The following SLC24A2 variants were observed in gnomAD, a reference collection of about 807,000 sequenced individuals.
SLC24A2 encodes the protein sodium/potassium/calcium exchanger 2.
SLC24A2 carries 36 observed loss-of-function variants against 62.0 expected under a neutral mutation model. That is an observed-to-expected ratio of 0.58 (90% CI 0.44 to 0.77). The LOEUF (loss-of-function observed/expected upper bound fraction) is 0.77. Among genes scored for constraint, SLC24A2 ranks in the 30% least tolerant of loss-of-function variants. The pLI, the probability that SLC24A2 is intolerant of heterozygous loss-of-function variation, is 0.00. For synonymous variants in SLC24A2, 358 were observed against 294.0 expected (o/e 1.22, Z -2.23); for missense variants, 846 against 817.9 (o/e 1.03, Z -0.42).
the SLC24A2 span, among the ~76,000 whole-genome samples, chr9:20,205,558 G>T: frequency 6.7e-6 from 1 of 149,332 alleles, no homozygotes; most frequent in African/African-American, 2.5e-5. Context: ...GGCTGAGGCA[G>T]GAGATTGGTG....
the SLC24A2 span, among the ~76,000 whole-genome samples, chr9:20,028,849 C>G: frequency 6.6e-6 from 1 of 152,194 alleles, no homozygotes; most frequent in Non-Finnish European, 1.5e-5. Context: ...AACACTCATT[C>G]TCTTTAAACA....
At chr9:20,110,285 A>G in the SLC24A2 span, among the ~76,000 whole-genome samples, 2 of 152,182 alleles carry the variant, frequency 1.3e-5, no homozygotes, top group African/African-American at 4.8e-5. Flanking sequence ...GACATGTAGT[A>G]TATTTTATAG....
At position 19,521,047 on chromosome 9, in the gene SLC24A2, A is replaced by G. The variant is rs781108956; in HGVS notation, c.1583T>C (p.Ile528Thr). The G allele has an allele frequency of 4.3e-6, 7 of 1,614,100 alleles. No homozygotes were observed. The highest frequency in any genetic ancestry group is 5.9e-6 in the Non-Finnish European group (7 of 1,179,966). Residue 528 changes from isoleucine to threonine, a missense_variant, in exon 10 of 11, where the codon ATT becomes ACT. Coordinates refer to ENST00000341998, the MANE Select transcript of SLC24A2 (RefSeq NM_020344.4). ...GCCCATAATCTCTTCACTGATGCCA[A>G]TTGTCTCTCCAACCTAAATGTCAGG... ...VWWAHQVGET[I>T]GISEEIMGLT...
the SLC24A2 span, among the ~76,000 whole-genome samples, chr9:20,140,030 G>A: frequency 1.3e-5 from 2 of 152,234 alleles, no homozygotes; most frequent in South Asian, 4.2e-4. Flanking sequence ...AGTGGTAAAT[G>A]GTAGCTACAT....
the SLC24A2 span, among the ~76,000 whole-genome samples, chr9:20,191,950 C>G: frequency 1.3e-5 from 2 of 152,060 alleles, no homozygotes; most frequent in African/African-American, 2.4e-5. Context: ...AGATAAGATG[C>G]TATGCACAGA....
chr9:20,093,846 T>C, the SLC24A2 span, among the ~76,000 whole-genome samples: 1 of 152,150 alleles, frequency 6.6e-6, no homozygotes, highest in East Asian at 1.9e-4. Context: ...AAAAGATAAA[T>C]GCTTGAGGTG....
chr9:19,756,903 C>CTTTTTTTTTTTTTTTTTTT, intron 2 of SLC24A2, among the ~76,000 whole-genome samples: 1 of 78,522 alleles, frequency 1.3e-5, no homozygotes, highest in Non-Finnish European at 2.2e-5. Context: ...TTTACTGAAG[C>CTTTTTTTTTTTTTTTTTTT]TTTTTTTTTT....
At position 19,786,984 on chromosome 9, in the gene SLC24A2, A is replaced by T; in HGVS notation, c.-118T>A. On this transcript the variant is annotated 5_prime_UTR_variant, in exon 2 of 11. Transcript: ENST00000341998. The surrounding 1 kb of genome is among the most constrained non-coding windows in gnomAD (Gnocchi z 5.0). ...TTGTGGGGTACTTTCACAATCAGGGATTGTTATGCTTCACAGGAAACTTTC... is the reference window on the plus strand; with the variant it reads ...TTGTGGGGTACTTTCACAATCAGGGTTTGTTATGCTTCACAGGAAACTTTC... 1 of 1,469,830 alleles carries T rather than the reference A, an allele frequency of 6.8e-7. No individual in the cohort carries two copies. Among genetic ancestry groups the T allele is most frequent in the Non-Finnish European group, 9.0e-7 (1 of 1,115,210 alleles). 91.0% of individuals were successfully genotyped at this position (1,469,830 alleles called of 1,614,324 possible). A position where few individuals can be genotyped will look rare whatever the true frequency, so the allele number is the denominator to read the frequency against.
At chr9:19,644,033 C>G (rs932621116) in intron 2 of SLC24A2, among the ~76,000 whole-genome samples, 31 of 152,216 alleles carry the variant, frequency 2.0e-4, no homozygotes, top group Non-Finnish European at 7.3e-5. Flanking sequence ...TAAACTGCAT[C>G]TGACACATTT....
chr9:19,667,201 G>C (rs1367613579), intron 2 of SLC24A2, among the ~76,000 whole-genome samples: 1 of 152,186 alleles, frequency 6.6e-6, no homozygotes, highest in East Asian at 1.9e-4. Context: ...AATCATGACA[G>C]AGAGCTTGCC....
the SLC24A2 span, among the ~76,000 whole-genome samples, chr9:19,857,887 A>G: frequency 6.6e-6 from 1 of 152,078 alleles, no homozygotes; most frequent in East Asian, 1.9e-4. Flanking sequence ...TCATTTCACT[A>G]GCTAGAACCT....
At chr9:19,557,411 G>C (rs563643648) in intron 7 of SLC24A2, among the ~76,000 whole-genome samples, 1 of 152,174 alleles carries the variant, frequency 6.6e-6, no homozygotes, top group Non-Finnish European at 1.5e-5. Context: ...AGCCGAAGGC[G>C]GTGGTTCTTA....
intron 2 of SLC24A2, among the ~76,000 whole-genome samples, chr9:19,775,277 G>T (rs1232135649): frequency 2.0e-5 from 3 of 152,208 alleles, no homozygotes; most frequent in East Asian, 1.9e-4. Flanking sequence ...TCTAGATTCT[G>T]CTTTTCTCTG....
intron 2 of SLC24A2, among the ~76,000 whole-genome samples, chr9:19,762,397 G>C (rs1159638236): frequency 6.6e-6 from 1 of 152,162 alleles, no homozygotes; most frequent in Admixed American, 6.5e-5. Flanking sequence ...CCTATGTCCT[G>C]AATGGTATTG....
chr9:19,622,000 C>A (rs1182890404), intron 3 of SLC24A2, among the ~76,000 whole-genome samples: 1 of 152,198 alleles, frequency 6.6e-6, no homozygotes, highest in Non-Finnish European at 1.5e-5. Flanking sequence ...ACTCTTCCAA[C>A]TTCTACAAAA....
chr9:19,544,255 C>CTTTTTTTTTTTTTTTTT (rs375479154), intron 8 of SLC24A2, among the ~76,000 whole-genome samples: 1 of 124,028 alleles, frequency 8.1e-6, no homozygotes, highest in African/African-American at 3.1e-5. Flanking sequence ...GCAACCCCTG[C>CTTTTTTTTTTTTTTTTT]TTTTTTTTTT....
rs949977918 is a variant in SLC24A2, at chr9:19,511,434, A to G, written c.*4719T>C. Reference sequence around the variant, plus strand: ...TGGGCTCTTGTAATTGGCTAAACATAGCCTGATATTTGTTACTGTTTTAAA... The same window carrying G: ...TGGGCTCTTGTAATTGGCTAAACATGGCCTGATATTTGTTACTGTTTTAAA... On this transcript the variant is annotated 3_prime_UTR_variant, in exon 11 of 11. Transcript: ENST00000341998. The G allele has an allele frequency of 4.6e-5, 7 of 152,210 alleles. No individual in the cohort carries two copies. Among genetic ancestry groups the G allele is most frequent in the Non-Finnish European group, 1.0e-4 (7 of 68,044 alleles). 9.4% of individuals were successfully genotyped at this position (152,210 alleles called of 1,614,324 possible). A position where few individuals can be genotyped will look rare whatever the true frequency, so the allele number is the denominator to read the frequency against.
intron 2 of SLC24A2, among the ~76,000 whole-genome samples, chr9:19,744,764 A>G (rs1821783367): frequency 6.6e-6 from 1 of 152,188 alleles, no homozygotes; most frequent in Non-Finnish European, 1.5e-5. Flanking sequence ...AGTTTCACCT[A>G]TCCATCTAAA....
At chr9:20,241,123 C>T in the SLC24A2 span, among the ~76,000 whole-genome samples, 8 of 152,356 alleles carry the variant, frequency 5.3e-5, no homozygotes, top group East Asian at 1.2e-3. Flanking sequence ...AATGAAACCA[C>T]GTGTCTTCAG....
Sources: gnomAD v4.1 joint callset for allele counts (sites outside exome capture counted in the v4.1 genomes callset) on GRCh38, gnomAD v4.1.1 for gene constraint, Gnocchi (gnomAD v3.1) non-coding constraint, MANE v1.5 for transcripts, NCBI Gene and HGNC (gene_info 2026-07-23, HGNC 2026-07-21) for gene names.